CEP72: variants seen among roughly 807,000 people sequenced by gnomAD.
CEP72 encodes centrosomal protein of 72 kDa.
In CEP72, 78 loss-of-function variants were observed where a neutral mutation model predicts 65.7. The observed-to-expected ratio is 1.19, with a 90% CI of 0.99 to 1.43. CEP72 has a LOEUF of 1.43. CEP72 is among the 40% of genes most tolerant of loss of function. The pLI is 0.00. For synonymous variants in CEP72, 358 were observed against 351.7 expected, an observed-to-expected ratio of 1.02 and a Z score of -0.20; for missense variants, 914 against 832.9, an observed-to-expected ratio of 1.10 and a Z score of -1.20.
At chr5:672,400 A>T in the CEP72 span, among the ~76,000 whole-genome samples, 1 of 152,200 alleles carries the variant, frequency 6.6e-6, no homozygotes, top group Admixed American at 6.5e-5. Flanking sequence ...ACGTCAGTGC[A>T]TTTACTTGGG....
chr5:615,357 A>C (rs925827724), intron 1 of CEP72, among the ~76,000 whole-genome samples: 2 of 152,120 alleles, frequency 1.3e-5, no homozygotes, highest in African/African-American at 4.8e-5. Flanking sequence ...GCTAGTCTCG[A>C]ACTCCTGACC....
chr5:637,514 C>A lies in CEP72; in HGVS notation c.905-3C>A. 1 of 1,610,808 alleles carries A rather than the reference C, an allele frequency of 6.2e-7. No individual in the cohort carries two copies. Among genetic ancestry groups the A allele is most frequent in the South Asian group, 1.1e-5 (1 of 90,642 alleles). On this transcript the variant is annotated splice_polypyrimidine_tract_variant and splice_region_variant and intron_variant, in intron 6 of 11. Transcript: ENST00000264935. ...CGTGCGCCCCATCCTCTCTATATCTCAGACTCCATGGATACCGAGGACTCG... is the reference window on the plus strand; with the variant it reads ...CGTGCGCCCCATCCTCTCTATATCTAAGACTCCATGGATACCGAGGACTCG...
downstream of CEP72, among the ~76,000 whole-genome samples, chr5:669,607 G>A (rs1740121695): frequency 6.6e-6 from 1 of 152,162 alleles, no homozygotes; most frequent in Non-Finnish European, 1.5e-5. Context: ...GAGGCACGCA[G>A]CCCTTTCTGA....
chr5:643,202 C>T, intron 9 of CEP72: 1 of 985,242 alleles, frequency 1.0e-6, no homozygotes, highest in South Asian at 4.7e-5. Context: ...GAGACTTTGC[C>T]TCAAAGAAAC....
chr5:659,209 C>T (rs565589027), downstream of CEP72, among the ~76,000 whole-genome samples: 25 of 152,274 alleles, frequency 1.6e-4, no homozygotes, highest in Admixed American at 9.8e-4. Context: ...GAGCGCGAGG[C>T]GCGCGTCCCT....
downstream of CEP72, among the ~76,000 whole-genome samples, chr5:657,282 A>C (rs368964540): frequency 6.6e-4 from 101 of 152,006 alleles, no homozygotes; most frequent in African/African-American, 2.4e-3. Context: ...TATGAATAAG[A>C]CTCTCGGGCA....
At chr5:672,315 C>G in the CEP72 span, among the ~76,000 whole-genome samples, 1 of 152,196 alleles carries the variant, frequency 6.6e-6, no homozygotes, top group Non-Finnish European at 1.5e-5. Flanking sequence ...TGGCTTCCTT[C>G]TAACCAGCGT....
Position 623,392 on chromosome 5 carries a change from T to C in CEP72, c.404-1079T>C, listed in dbSNP as rs1391216746. Among the ~76,000 whole-genome samples the C allele has an allele frequency of 6.6e-6, 1 of 151,664 alleles. No individual in the cohort carries two copies. Among genetic ancestry groups the C allele is most frequent in the Non-Finnish European group, 1.5e-5 (1 of 67,892 alleles). ...CGCGTGGGTCATGGAAAGGCCCCGG[T>C]GGTGGAGGAGGCAGATAGCAAGGGC... On this transcript the variant is annotated intron_variant, in intron 3 of 11. Transcript: ENST00000264935. The surrounding 1 kb of genome is among the most constrained non-coding windows in gnomAD (Gnocchi z 5.3).
chr5:623,205 G>A lies in CEP72; in HGVS notation c.404-1266G>A, dbSNP rs560692796. 6.6e-6 allele frequency among the ~76,000 whole-genome samples: 1 copy of A among 152,342 alleles called. No homozygotes were observed. The highest frequency in any genetic ancestry group is 1.9e-4 in the East Asian group (1 of 5,184). On this transcript the variant is annotated intron_variant, in intron 3 of 11. Transcript: ENST00000264935. The surrounding 1 kb of genome is among the most constrained non-coding windows in gnomAD (Gnocchi z 5.3). ...GAGCGCGACCGTCTCCCCTCTTAGT[G>A]TTTCTACAGAGAAGGAGCACAACCG...
At chr5:633,723 A>G in intron 4 of CEP72, 46 bp from the exon 5 acceptor site, 1 of 1,585,316 alleles carries the variant, frequency 6.3e-7, no homozygotes, top group Non-Finnish European at 8.7e-7. Context: ...GGGCCGGAGC[A>G]TATGGCTGGC....
intron 9 of CEP72, chr5:641,644 G>T (rs574500748): frequency 1.0e-6 from 1 of 982,510 alleles, no homozygotes; most frequent in East Asian, 1.2e-4. Flanking sequence ...AACACATGTG[G>T]GCCTCCTCCA....
At chr5:637,470 C>A in intron 6 of CEP72, 47 bp from the exon 7 acceptor site, 1 of 1,550,962 alleles carries the variant, frequency 6.4e-7, no homozygotes, top group Non-Finnish European at 8.8e-7. Flanking sequence ...GAACACTGCA[C>A]CCAGAGAATT....
intron 1 of CEP72, among the ~76,000 whole-genome samples, chr5:616,348 C>T (rs9687967): frequency 0.026 from 3,986 of 152,030 alleles, 66 homozygotes; most frequent in African/African-American, 0.041. Context: ...TGTTTCTTTG[C>T]TAAGACTAGT....
downstream of CEP72, among the ~76,000 whole-genome samples, chr5:667,325 A>G (rs1366539442): frequency 6.6e-6 from 1 of 152,200 alleles, no homozygotes; most frequent in Non-Finnish European, 1.5e-5. Flanking sequence ...GAGAGAAAGG[A>G]CTGTTTCTTC....
intron 3 of CEP72, among the ~76,000 whole-genome samples, chr5:665,783 C>G (rs866612327): frequency 8.7e-5 from 13 of 150,082 alleles, no homozygotes; most frequent in African/African-American, 3.0e-4. Context: ...CATTCATGCC[C>G]CTTCTGACCA....
At position 623,868 on chromosome 5, in the gene CEP72, G is replaced by A. The variant is rs1249251687; in HGVS notation, c.404-603G>A. Among the ~76,000 whole-genome samples, 2 of 152,182 alleles carry A rather than the reference G, an allele frequency of 1.3e-5. No individual in the cohort carries two copies. Among genetic ancestry groups the A allele is most frequent in the African/African-American group, 4.8e-5 (2 of 41,440 alleles). On this transcript the variant is annotated intron_variant, in intron 3 of 11. Transcript: ENST00000264935. The surrounding 1 kb of genome is among the most constrained non-coding windows in gnomAD (Gnocchi z 5.3). ...GATTCTGTAGTTTTTGGGGCGTGCTGTAGGCTAAATGGAGGCAGCGTGGGA... is the reference window on the plus strand; with the variant it reads ...GATTCTGTAGTTTTTGGGGCGTGCTATAGGCTAAATGGAGGCAGCGTGGGA...
In CEP72 at chr5:612,413, A is replaced by T; in HGVS notation, c.52A>T (p.Lys18Ter). 6.7e-7 allele frequency: 1 copy of T among 1,488,086 alleles called. No homozygotes were observed. The highest frequency in any genetic ancestry group is 8.9e-7 in the Non-Finnish European group (1 of 1,124,338). 92.2% of individuals were successfully genotyped at this position (1,488,086 alleles called of 1,614,324 possible). Residue 18 changes from lysine (K) to a stop codon, truncating the protein, a stop_gained, in exon 1 of 12, where the codon AAG (lysine) becomes TAG (stop). Coordinates refer to ENST00000264935, the MANE Select transcript of CEP72 (RefSeq NM_018140.4). LOFTEE classifies it high-confidence loss of function. ...LVLSEEAVRAKSGLGPHRDLA... is the reference protein window; with the variant it reads ...LVLSEEAVRA ...GCTGAGCGAGGAGGCGGTTCGGGCG[A>T]AGAGCGGCTTAGGGCCTCACCGCGA... is the stretch of plus-strand genomic sequence containing the variant.
chr5:626,058 C>T (rs1389300645), intron 4 of CEP72, among the ~76,000 whole-genome samples: 8 of 149,328 alleles, frequency 5.4e-5, no homozygotes, highest in East Asian at 2.0e-4. Flanking sequence ...CAGGGGGGGG[C>T]GGCACAGTGC....
chr5:670,213 C>T (rs1740164691), downstream of CEP72, among the ~76,000 whole-genome samples: 1 of 152,144 alleles, frequency 6.6e-6, no homozygotes, highest in Non-Finnish European at 1.5e-5. Flanking sequence ...CGTCACAGGC[C>T]CCGCTGGGCT....
Sources: gnomAD v4.1 joint callset for allele counts (sites outside exome capture counted in the v4.1 genomes callset) on GRCh38, gnomAD v4.1.1 for gene constraint, Gnocchi (gnomAD v3.1) non-coding constraint, MANE v1.5 for transcripts, NCBI Gene and HGNC (gene_info 2026-07-23, HGNC 2026-07-21) for gene names.